Variants in GREB1L observed in about 807,000 individuals in gnomAD.
GREB1L encodes the protein GREB1-like protein.
Under a neutral mutation model 200.8 loss-of-function variants are expected in GREB1L, and 17 were observed. The observed-to-expected ratio is 0.08, with a 90% confidence interval of 0.06 to 0.13. The LOEUF (loss-of-function observed/expected upper bound fraction) is 0.13. GREB1L is among the 10% of genes least tolerant of loss of function. The pLI is 1.00. For missense variants in GREB1L, 1,657 were observed against 2,367.7 expected (o/e 0.70, Z 6.23); for synonymous variants, 789 against 893.0 (o/e 0.88, Z 2.08).
intron 1 of GREB1L, among the ~76,000 whole-genome samples, chr18:21,325,469 G>A (rs1424719875): frequency 1.3e-5 from 2 of 152,114 alleles, no homozygotes; most frequent in Non-Finnish European, 2.9e-5. Flanking sequence ...TGGTCATGCT[G>A]ACTTGTTGTG....
intron 1 of GREB1L, among the ~76,000 whole-genome samples, chr18:21,305,962 CAGAG>C (rs2038692796): frequency 6.6e-6 from 1 of 152,238 alleles, no homozygotes; most frequent in Admixed American, 6.5e-5. Context: ...GTCAACTCCT[CAGAG>C]AGGCCTTCCC....
At chr18:21,499,362 G>C (rs2145931640) in intron 21 of GREB1L, among the ~76,000 whole-genome samples, 1 of 152,312 alleles carries the variant, frequency 6.6e-6, no homozygotes, top group Middle Eastern at 3.4e-3. Context: ...GCTGGGGGGT[G>C]GTTAACCCCA....
At chr18:21,337,992 A>G (rs1375949032) in intron 1 of GREB1L, among the ~76,000 whole-genome samples, 1 of 152,176 alleles carries the variant, frequency 6.6e-6, no homozygotes, top group Admixed American at 6.6e-5. Context: ...GTCTCAAAAA[A>G]AAAGAAAAAA....
Position 21,354,626 on chromosome 18 carries a change from T to G in GREB1L, c.-119-11401T>G, listed in dbSNP as rs1466857384. ...AGTGAGTTAATTGTTAGGAGGGAGA[T>G]GAACAAGGTTCTATGAGAGCTTTTA... On this transcript the variant is annotated intron_variant, in intron 1 of 32. Coordinates refer to ENST00000424526, the MANE Select transcript of GREB1L (RefSeq NM_001142966.3). Among the ~76,000 whole-genome samples the G allele has an allele frequency of 2.0e-5, 3 of 152,322 alleles. No homozygotes were observed. The East Asian group carries it at 5.8e-4, about 29-fold the overall frequency.
At chr18:21,284,571 G>A (rs1471413729) in intron 1 of GREB1L, among the ~76,000 whole-genome samples, 1 of 152,140 alleles carries the variant, frequency 6.6e-6, no homozygotes, top group Admixed American at 6.6e-5. Flanking sequence ...TTCATCAGTT[G>A]ATAGACATTT....
intron 1 of GREB1L, among the ~76,000 whole-genome samples, chr18:21,285,054 T>C (rs1056714963): frequency 2.0e-5 from 3 of 152,202 alleles, no homozygotes; most frequent in Non-Finnish European, 2.9e-5. Context: ...TTGTAAGAAT[T>C]CTTTACATAT....
chr18:21,500,652 G>A lies in GREB1L; in HGVS notation c.4072+10G>A. On this transcript the variant is annotated intron_variant, in intron 23 of 32. Coordinates refer to ENST00000424526, the MANE Select transcript of GREB1L (RefSeq NM_001142966.3). ...GAGGAGATCAACACCGGTGAGTGCT[G>A]AGCCCAGGGAGTGGGCAGAGGGGCA... The A allele has an allele frequency of 6.6e-7, 1 of 1,511,774 alleles. No individual in the cohort carries two copies. The highest frequency in any genetic ancestry group is 1.4e-5 in the African/African-American group (1 of 71,138). The allele number at this position is 1,511,774 out of a possible 1,614,324, so 93.6% of individuals were successfully genotyped here. A position where few individuals can be genotyped will look rare whatever the true frequency, so the allele number is the denominator to read the frequency against.
intron 23 of GREB1L, among the ~76,000 whole-genome samples, chr18:21,504,542 CA>C (rs1241394903): frequency 6.6e-6 from 1 of 151,982 alleles, no homozygotes; most frequent in South Asian, 2.1e-4. Context: ...TCTCCAAAAA[CA>C]AAAAGAAAAG....
intron 1 of GREB1L, among the ~76,000 whole-genome samples, chr18:21,365,118 T>G (rs1364266451): frequency 2.6e-5 from 4 of 152,088 alleles, no homozygotes; most frequent in African/African-American, 4.8e-5. Context: ...ATCTAAAATT[T>G]TTTTTCTTTC....
Position 21,523,043 on chromosome 18 carries a change from C to A in GREB1L, c.*222C>A. 6.7e-6 allele frequency: 3 copies of A among 449,146 alleles called. No homozygotes were observed. In the South Asian group the frequency reaches 1.3e-4, roughly 19 times the overall value. The allele number at this position is 449,146 out of a possible 1,614,324, so 27.8% of individuals were successfully genotyped here. On this transcript the variant is annotated 3_prime_UTR_variant, in exon 33 of 33. Transcript: ENST00000424526. ...CCCTTAAATTCAGGTAAACTCTATC[C>A]TAGGCAGTTATGCAATTACTTAAGA... is the stretch of plus-strand genomic sequence containing the variant.
Position 21,440,520 on chromosome 18 carries a change from G to A in GREB1L, c.1069+132G>A, listed in dbSNP as rs193186027. 25 of 887,220 alleles carry A rather than the reference G, an allele frequency of 2.8e-5. 1 individual carries two copies. The highest frequency in any genetic ancestry group is 5.0e-4 in the Middle Eastern group (2 of 3,966). 55.0% of individuals were successfully genotyped at this position (887,220 alleles called of 1,614,324 possible). ...TTGATAGTAGCTAATGTTTTGTCCC[G>A]ATCACATTTGCCTTCCCTACATGCA... On this transcript the variant is annotated intron_variant, in intron 9 of 32. Coordinates refer to ENST00000424526, the MANE Select transcript of GREB1L (RefSeq NM_001142966.3).
At chr18:21,401,055 G>T in intron 5 of GREB1L, 95 bp from the exon 6 acceptor site, 1 of 979,888 alleles carries the variant, frequency 1.0e-6, no homozygotes. Flanking sequence ...GACATTTTTG[G>T]GTCAAAGAAT....
At chr18:21,258,338 A>C (rs139457705) in intron 1 of GREB1L, among the ~76,000 whole-genome samples, 1 of 152,304 alleles carries the variant, frequency 6.6e-6, no homozygotes, top group Non-Finnish European at 1.5e-5. Context: ...CCAGACTGCA[A>C]GTGCTTTGTC....
chr18:21,395,634 C>A (rs1598752038), intron 5 of GREB1L, 73 bp downstream of exon 5: 1 of 1,087,850 alleles, frequency 9.2e-7, no homozygotes. Flanking sequence ...AAAACTACTG[C>A]AGAATTTTAA....
At chr18:21,380,050 G>A (rs2040240189) in intron 2 of GREB1L, among the ~76,000 whole-genome samples, 1 of 151,984 alleles carries the variant, frequency 6.6e-6, no homozygotes, top group African/African-American at 2.4e-5. Context: ...TAAATTCATG[G>A]CATTTTGTTT....
At chr18:21,278,022 G>A (rs2038198309) in intron 1 of GREB1L, among the ~76,000 whole-genome samples, 1 of 152,180 alleles carries the variant, frequency 6.6e-6, no homozygotes, top group Non-Finnish European at 1.5e-5. Context: ...AATGGGTATA[G>A]CCATGACAAG....
intron 9 of GREB1L, among the ~76,000 whole-genome samples, 178 bp from the exon 10 acceptor site, chr18:21,441,221 AT>A (rs376227795): frequency 1.3e-5 from 2 of 152,184 alleles, no homozygotes; most frequent in South Asian, 4.2e-4. Flanking sequence ...ATTATGGTTA[AT>A]TTTTTTTCTC....
chr18:21,437,633 G>C (rs1040545809), intron 7 of GREB1L, among the ~76,000 whole-genome samples: 1 of 151,876 alleles, frequency 6.6e-6, no homozygotes, highest in African/African-American at 2.4e-5. Flanking sequence ...AGAAATACAG[G>C]GGACAAGAGA....
At chr18:21,281,055 C>T (rs986673060) in intron 1 of GREB1L, among the ~76,000 whole-genome samples, 2 of 152,144 alleles carry the variant, frequency 1.3e-5, no homozygotes, top group African/African-American at 2.4e-5. Flanking sequence ...CACCCCCACC[C>T]ACAACTCTGG....
Sources: allele counts gnomAD v4.1 joint callset (sites outside exome capture counted in the v4.1 genomes callset), GRCh38; gene constraint gnomAD v4.1.1; transcripts MANE v1.5; gene names NCBI Gene and HGNC (gene_info 2026-07-23, HGNC 2026-07-21).